Variants in ZNF236 observed in about 807,000 individuals in gnomAD.
ZNF236 encodes the protein regulated by glucose.
In ZNF236, 50 loss-of-function variants were observed where a neutral mutation model predicts 191.2. That is an observed-to-expected ratio of 0.26 (90% CI 0.21 to 0.33). ZNF236 has a LOEUF of 0.33. Among genes scored for constraint, ZNF236 ranks in the 10% least tolerant of loss-of-function variants. The pLI, the probability that ZNF236 is intolerant of heterozygous loss-of-function variation, is 1.00. For synonymous variants in ZNF236, 907 were observed against 928.8 expected, an observed-to-expected ratio of 0.98 and a Z score of 0.43; for missense variants, 1,754 against 2,374.5, an observed-to-expected ratio of 0.74 and a Z score of 5.43.
At position 76,947,607 on chromosome 18, in the gene ZNF236, C is replaced by T. The variant is rs1224547433; in HGVS notation, c.4869C>T (p.His1623=). The change falls in exon 27 of 31, where the codon CAC becomes CAT. Residue 1623 remains histidine (H), a synonymous_variant. Transcript: ENST00000320610. The part of the protein sequence containing the change: ...AGSPQVILVS[H]TPQSASAACE... ...CGCCGCAAGTCATACTAGTGAGCCA[C>T]ACGCCACAGTCAGCGTCTGCTGCTT... The T allele has an allele frequency of 1.2e-6, 2 of 1,613,916 alleles. No homozygotes were observed. The highest frequency in any genetic ancestry group is 1.7e-6 in the Non-Finnish European group (2 of 1,179,982).
intron 9 of ZNF236, among the ~76,000 whole-genome samples, chr18:76,892,467 T>A (rs1190357367): frequency 2.3e-5 from 3 of 132,340 alleles, no homozygotes; most frequent in Non-Finnish European, 5.1e-5. Context: ...CACCTTTTCC[T>A]GTTTTTAGAC....
At chr18:76,879,908 T>C (rs1976830767) in intron 7 of ZNF236, among the ~76,000 whole-genome samples, 1 of 152,120 alleles carries the variant, frequency 6.6e-6, no homozygotes, top group Admixed American at 6.6e-5. Flanking sequence ...CAAAATTGCA[T>C]TAGAACAATG....
At chr18:76,961,161 A>G (rs1186950444) in intron 30 of ZNF236, among the ~76,000 whole-genome samples, 1 of 150,886 alleles carries the variant, frequency 6.6e-6, no homozygotes, top group Admixed American at 6.6e-5. Flanking sequence ...CCCCCTTCCC[A>G]TTCTTTCCCC....
chr18:76,896,030 C>T (rs907031121), intron 10 of ZNF236, among the ~76,000 whole-genome samples: 1 of 152,056 alleles, frequency 6.6e-6, no homozygotes, highest in Non-Finnish European at 1.5e-5. Flanking sequence ...AACACAGGTA[C>T]TGCACATGGG....
Position 76,960,605 on chromosome 18 carries a change from C to G in ZNF236, c.5243-74C>G. ...AGAGGAACATTCAGTCCCTCTTGTT[C>G]ATACCTCAGGGTAGAGCCCAGGCAT... On this transcript the variant is annotated intron_variant, in intron 29 of 30. Transcript: ENST00000320610. The surrounding 1 kb of genome is among the most constrained non-coding windows in gnomAD (Gnocchi z 4.4). 2 of 1,556,428 alleles carry G rather than the reference C, an allele frequency of 1.3e-6. No individual in the cohort carries two copies.
rs139290471 is a variant in ZNF236 at position 76,861,895 on chromosome 18, G to A, written c.364-6790G>A. On this transcript the variant is annotated intron_variant, in intron 3 of 30. Transcript: ENST00000320610. ...TCTTTTCTTTTTGAGACAGAGTTTCGCTCTTGTCGCCCGGGCTGGAGTGCA... is the reference window on the plus strand; with the variant it reads ...TCTTTTCTTTTTGAGACAGAGTTTCACTCTTGTCGCCCGGGCTGGAGTGCA... Among the ~76,000 whole-genome samples the A allele has an allele frequency of 1.8e-3, 278 of 152,180 alleles. 1 individual carries two copies. Among genetic ancestry groups the A allele is most frequent in the African/African-American group, 6.5e-3 (269 of 41,522 alleles).
In ZNF236 at chr18:76,934,214, G is replaced by A. The variant is rs576465732; in HGVS notation, c.4595-2942G>A. On this transcript the variant is annotated intron_variant, in intron 25 of 30. Transcript: ENST00000320610. The stretch of plus-strand genomic sequence containing the variant: ...TTAGGGATTTGCGATGAATCCAGGC[G>A]AGACAATTAGTCAGAATTTCACATG... 4.3e-4 allele frequency among the ~76,000 whole-genome samples: 65 copies of A among 152,312 alleles called. 1 individual carries two copies. Among genetic ancestry groups the A allele is most frequent in the South Asian group, 2.7e-3 (13 of 4,820 alleles).
chr18:76,917,277 A>G (rs1042679942), intron 19 of ZNF236, among the ~76,000 whole-genome samples: 4 of 152,242 alleles, frequency 2.6e-5, no homozygotes, highest in Non-Finnish European at 4.4e-5. Flanking sequence ...TAAAGGCTAT[A>G]GGACATCCAG....
At position 76,880,056 on chromosome 18, in the gene ZNF236, C is replaced by A; in HGVS notation, c.985-57C>A. The A allele has an allele frequency of 5.1e-6, 7 of 1,385,550 alleles. No homozygotes were observed. The highest frequency in any genetic ancestry group is 5.9e-6 in the Non-Finnish European group (6 of 1,022,280). The allele number at this position is 1,385,550 out of a possible 1,614,324, so 85.8% of individuals were successfully genotyped here. On this transcript the variant is annotated intron_variant, in intron 7 of 30. Coordinates refer to ENST00000320610, the MANE Select transcript of ZNF236 (RefSeq NM_001306089.2). This position sits in a 1 kb window ranked among gnomAD's most constrained non-coding sequence, Gnocchi z 5.0. ...TGCCTGTTTTTTTTTTTTTAATTTT[C>A]CTTTTTAAATTGAAGAGCAAAATTG...
At chr18:76,956,837 T>C (rs1968536586) in intron 28 of ZNF236, among the ~76,000 whole-genome samples, 1 of 151,756 alleles carries the variant, frequency 6.6e-6, no homozygotes, top group Admixed American at 6.6e-5. Context: ...GGGAATGGGG[T>C]GTGGAAGGGG....
intron 11 of ZNF236, among the ~76,000 whole-genome samples, chr18:76,903,999 A>G (rs1977671981): frequency 6.7e-6 from 1 of 149,878 alleles, no homozygotes; most frequent in Admixed American, 6.7e-5. Flanking sequence ...ATAGTTATGT[A>G]GACTCCATGT....
intron 1 of ZNF236, among the ~76,000 whole-genome samples, chr18:76,825,452 G>C (rs1974987932): frequency 6.6e-6 from 1 of 152,036 alleles, no homozygotes; most frequent in Admixed American, 6.5e-5. Context: ...AATCTAGGTG[G>C]TGGTGGCGGT....
chr18:76,853,085 T>G lies in ZNF236; in HGVS notation c.363+1146T>G, dbSNP rs182105416. Among the ~76,000 whole-genome samples the G allele has an allele frequency of 1.0e-4, 14 of 136,834 alleles. No homozygotes were observed. The East Asian group carries it at 1.4e-3, about 14-fold the overall frequency. 89.8% of individuals were successfully genotyped at this position (136,834 alleles called of 152,430 possible). ...CTGACTTCACACTTTCTGTTTTTTG[T>G]TTTTTTTTTTGAGATGGAGTTTCGC... On this transcript the variant is annotated intron_variant, in intron 3 of 30. Transcript: ENST00000320610.
chr18:76,896,063 A>G (rs1427745904), intron 10 of ZNF236, among the ~76,000 whole-genome samples: 1 of 151,956 alleles, frequency 6.6e-6, no homozygotes, highest in Non-Finnish European at 1.5e-5. Flanking sequence ...TATCAAGCAC[A>G]GTACCAAACA....
intron 9 of ZNF236, among the ~76,000 whole-genome samples, chr18:76,884,138 G>A (rs1055986738): frequency 1.3e-5 from 2 of 151,904 alleles, no homozygotes; most frequent in Admixed American, 1.3e-4. Flanking sequence ...GCAGTGGCTC[G>A]TGCCTGTAAT....
chr18:76,877,379 G>T (rs1036746978), intron 6 of ZNF236, among the ~76,000 whole-genome samples: 1 of 151,920 alleles, frequency 6.6e-6, no homozygotes, highest in African/African-American at 2.4e-5. Flanking sequence ...ACGATGGCAG[G>T]CGCCTGTAAT....
chr18:76,897,086 G>T (rs968956851), intron 10 of ZNF236, among the ~76,000 whole-genome samples: 1 of 149,542 alleles, frequency 6.7e-6, no homozygotes, highest in Non-Finnish European at 1.5e-5. Flanking sequence ...GACAGGTACT[G>T]CCCATAGGGA....
In ZNF236 at chr18:76,959,705, C is replaced by G. The variant is rs1199961638; in HGVS notation, c.5131C>G (p.Gln1711Glu). ...THLKEHMQTH[Q>E]AGPSLSSQKP... is the part of the protein sequence containing the mutation. Reference sequence around the variant, plus strand: ...CTCCCAGGAGCACATGCAGACACACCAGGCCGGCCCCTCTTTGAGCTCCCA... The same window carrying G: ...CTCCCAGGAGCACATGCAGACACACGAGGCCGGCCCCTCTTTGAGCTCCCA... Residue 1711 changes from glutamine to glutamate, a missense_variant, in exon 29 of 31, where the codon CAG becomes GAG. Physicochemically the swap from Gln to Glu is conservative, Grantham distance 29 (BLOSUM62 2). Around this residue, in one of 5 missense-constraint regions of ZNF236, gnomAD observed 606 missense variants for 761.5 expected, o/e 0.80. Coordinates refer to ENST00000320610, the MANE Select transcript of ZNF236 (RefSeq NM_001306089.2). The G allele has an allele frequency of 1.2e-6, 2 of 1,612,858 alleles. No individual in the cohort carries two copies. Among genetic ancestry groups the G allele is most frequent in the Non-Finnish European group, 1.7e-6 (2 of 1,179,368 alleles).
intron 9 of ZNF236, chr18:76,887,408 A>C (rs1181997173): frequency 6.6e-6 from 1 of 151,386 alleles, no homozygotes; most frequent in Non-Finnish European, 1.5e-5. Context: ...AAAAGATTCT[A>C]CTAGCTCCAT....
Sources: gnomAD v4.1 joint callset for allele counts (sites outside exome capture counted in the v4.1 genomes callset) on GRCh38, gnomAD v4.1.1 for gene constraint, gnomAD v4.1.1 regional missense constraint, Gnocchi (gnomAD v3.1) non-coding constraint, MANE v1.5 for transcripts, NCBI Gene and HGNC (gene_info 2026-07-23, HGNC 2026-07-21) for gene names.